The following ABCA1 variants were observed in gnomAD, a reference collection of about 807,000 sequenced individuals.
ABCA1 encodes ATP binding cassette subfamily A member 1, also known as phospholipid-transporting ATPase ABCA1.
ABCA1 carries 133 observed loss-of-function variants against 262.5 expected under a neutral mutation model. The ratio of observed to expected loss-of-function variants is 0.51; its 90% CI spans 0.44 to 0.59. The LOEUF (loss-of-function observed/expected upper bound fraction) is 0.59. Ranked by LOEUF, ABCA1 falls within the 20% of genes least tolerant of loss-of-function variation. The probability of loss-of-function intolerance (pLI) is 0.00; values close to 1 mark genes in which losing one functional copy is unlikely to be tolerated. For missense variants in ABCA1, 2,452 were observed against 2,777.5 expected, an observed-to-expected ratio of 0.88 and a Z score of 2.63; for synonymous variants, 1,022 against 1,043.5, an observed-to-expected ratio of 0.98 and a Z score of 0.40.
In ABCA1 at chr9:104,855,354, G is replaced by A. The variant is rs139817466; in HGVS notation, c.720+3168C>T. 1,374 of 173,904 alleles carry A rather than the reference G, an allele frequency of 7.9e-3. 21 individuals are homozygous for A. The highest frequency in any genetic ancestry group is 0.031 in the African/African-American group (1,312 of 41,820). 10.8% of individuals were successfully genotyped at this position (173,904 alleles called of 1,614,324 possible). ...TGGGATTACAGGTGTGCGCCACCACGCCTGCCTGGCAAATATGTGTATTTT... is the reference window on the plus strand; with the variant it reads ...TGGGATTACAGGTGTGCGCCACCACACCTGCCTGGCAAATATGTGTATTTT... On this transcript the variant is annotated intron_variant, in intron 7 of 49. Transcript: ENST00000374736.
intron 27 of ABCA1, 51 bp from the exon 28 acceptor site, chr9:104,812,773 A>C: frequency 6.2e-7 from 1 of 1,610,846 alleles, no homozygotes; most frequent in Non-Finnish European, 8.5e-7. Flanking sequence ...TGTTTTCGGC[A>C]TTGCCATGCT....
chr9:104,905,372 G>C (rs1241992915), intron 1 of ABCA1, among the ~76,000 whole-genome samples: 1 of 152,152 alleles, frequency 6.6e-6, no homozygotes, highest in African/African-American at 2.4e-5. Context: ...AAAACTTCTA[G>C]AAAAGTCAAG....
intron 23 of ABCA1, 40 bp downstream of exon 23, chr9:104,818,623 C>G: frequency 6.3e-7 from 1 of 1,595,686 alleles, no homozygotes; most frequent in Non-Finnish European, 8.6e-7. Flanking sequence ...TCCTGGCTGC[C>G]CAGACCCAAC....
intron 2 of ABCA1, among the ~76,000 whole-genome samples, chr9:104,890,034 G>T (rs969775732): frequency 7.2e-5 from 11 of 152,168 alleles, no homozygotes; most frequent in Non-Finnish European, 1.5e-4. Flanking sequence ...GGACAAGATG[G>T]AAATCACTAG....
intron 11 of ABCA1, among the ~76,000 whole-genome samples, chr9:104,833,318 A>T (rs1833514070): frequency 6.6e-6 from 1 of 152,074 alleles, no homozygotes; most frequent in Non-Finnish European, 1.5e-5. Context: ...AGTAGCTAAG[A>T]CTACAGGTGC....
intron 1 of ABCA1, among the ~76,000 whole-genome samples, chr9:104,916,292 C>G (rs937121713): frequency 1.3e-5 from 2 of 152,234 alleles, no homozygotes; most frequent in African/African-American, 4.8e-5. Context: ...CATAAAGAAA[C>G]AGCCTTTAGG....
intron 5 of ABCA1, among the ~76,000 whole-genome samples, chr9:104,862,636 G>GCCCCCCAC (rs1836532053): frequency 1.5e-3 from 2 of 1,304 alleles, no homozygotes; most frequent in African/African-American, 2.6e-3. Context: ...CAGACTGCCG[G>GCCCCCCAC]GCCGGGCCGG....
intron 3 of ABCA1, among the ~76,000 whole-genome samples, chr9:104,887,379 CAG>C (rs1305460455): frequency 6.6e-6 from 1 of 152,162 alleles, no homozygotes; most frequent in Non-Finnish European, 1.5e-5. Flanking sequence ...GATCTGGAGT[CAG>C]AGGAATCTAG....
chr9:104,789,209 G>T (rs1829194910), intron 44 of ABCA1, among the ~76,000 whole-genome samples: 1 of 152,174 alleles, frequency 6.6e-6, no homozygotes. Context: ...TCAGAATTAG[G>T]ATTGAGGCAC....
intron 8 of ABCA1, among the ~76,000 whole-genome samples, chr9:104,844,041 AC>A (rs1834635711): frequency 1.4e-5 from 2 of 146,652 alleles, no homozygotes; most frequent in Admixed American, 6.7e-5. Flanking sequence ...AAAAAAAAAA[AC>A]CAGGGCCAGT....
intron 2 of ABCA1, among the ~76,000 whole-genome samples, chr9:104,902,914 G>A (rs1027878892): frequency 6.6e-6 from 1 of 152,144 alleles, no homozygotes; most frequent in Non-Finnish European, 1.5e-5. Flanking sequence ...ACTAACTACA[G>A]AGAAATGCAT....
rs76705831 is a variant in ABCA1, at chr9:104,819,090, A to G, written c.3242-207T>C. ...TCCTCACAGAGGTAAGAACAGTAGC[A>G]TTTTATTTGGGAACTTGCTATATGC... On this transcript the variant is annotated intron_variant, in intron 22 of 49. Coordinates refer to ENST00000374736, the MANE Select transcript of ABCA1 (RefSeq NM_005502.4). Among the ~76,000 whole-genome samples, 282 of 152,296 alleles carry G rather than the reference A, an allele frequency of 1.9e-3. 4 individuals carry two copies. In the South Asian group the frequency reaches 0.031, roughly 16 times the overall value.
At chr9:104,833,387 G>T (rs1833520941) in intron 11 of ABCA1, among the ~76,000 whole-genome samples, 1 of 152,104 alleles carries the variant, frequency 6.6e-6, no homozygotes, top group Non-Finnish European at 1.5e-5. Context: ...TTGCCATGTT[G>T]CCTGGGCTGG....
At chr9:104,800,719 G>T in intron 34 of ABCA1, 135 bp from the exon 35 acceptor site, 1 of 807,058 alleles carries the variant, frequency 1.2e-6, no homozygotes, top group African/African-American at 1.7e-5. Flanking sequence ...AATTAAATGT[G>T]AAGCCATTAA....
At chr9:104,927,142 G>A (rs1826411201) in intron 1 of ABCA1, among the ~76,000 whole-genome samples, 1 of 151,800 alleles carries the variant, frequency 6.6e-6, no homozygotes, top group Non-Finnish European at 1.5e-5. Context: ...CCCGGGAGGC[G>A]GAGGTTGCAG....
At chr9:104,870,758 AAG>A (rs548760456) in intron 5 of ABCA1, among the ~76,000 whole-genome samples, 99 of 152,250 alleles carry the variant, frequency 6.5e-4, no homozygotes, top group African/African-American at 2.3e-3. Flanking sequence ...TGAGTCCGAA[AAG>A]AGAGTCAGCA....
At chr9:104,841,415 G>A (rs903527405) in intron 8 of ABCA1, among the ~76,000 whole-genome samples, 21 of 151,286 alleles carry the variant, frequency 1.4e-4, no homozygotes, top group African/African-American at 4.6e-4. Flanking sequence ...CAGCCTGGGC[G>A]ACAAAAGCAA....
At chr9:104,893,517 A>C (rs1839956633) in intron 2 of ABCA1, among the ~76,000 whole-genome samples, 1 of 151,956 alleles carries the variant, frequency 6.6e-6, no homozygotes, top group African/African-American at 2.4e-5. Flanking sequence ...TGAGTAAGAT[A>C]AATAGCCATC....
Position 104,803,032 on chromosome 9 carries a change from A to G in ABCA1, c.4592+252T>C, listed in dbSNP as rs148947131. ...AGGAAATCAGTATATCAAATATTTC[A>G]GAGGCCTCTGGAGGGGCTGCTGGGC... On this transcript the variant is annotated intron_variant, in intron 33 of 49. Coordinates refer to ENST00000374736, the MANE Select transcript of ABCA1 (RefSeq NM_005502.4). Among the ~76,000 whole-genome samples the G allele has an allele frequency of 1.3e-3, 204 of 152,306 alleles. 1 individual carries two copies. Among genetic ancestry groups the G allele is most frequent in the African/African-American group, 4.8e-3 (200 of 41,564 alleles).
Sources: allele counts gnomAD v4.1 joint callset (sites outside exome capture counted in the v4.1 genomes callset), GRCh38; gene constraint gnomAD v4.1.1; transcripts MANE v1.5; gene names NCBI Gene and HGNC (gene_info 2026-07-23, HGNC 2026-07-21).